Variants in PBRM1 observed in about 807,000 individuals in gnomAD.
PBRM1 encodes polybromo 1.
A neutral mutation model predicts 194.5 loss-of-function variants in PBRM1; 27 were observed. That is an observed-to-expected ratio of 0.14 (90% CI 0.10 to 0.19). PBRM1 has a LOEUF of 0.19. Among genes scored for constraint, PBRM1 ranks in the 10% least tolerant of loss-of-function variants. The probability of loss-of-function intolerance (pLI) is 1.00; values close to 1 mark genes in which losing one functional copy is unlikely to be tolerated. For synonymous variants in PBRM1, 655 were observed against 693.2 expected (o/e 0.94, Z 0.87); for missense variants, 1,466 against 2,077.2 (o/e 0.71, Z 5.72).
exon 1 of PBRM1, chr3:52,679,588 G>A (rs1219845160): frequency 1.2e-6 from 2 of 1,613,170 alleles, no homozygotes; most frequent in African/African-American, 1.3e-5. Context: ...TCTACAGTTG[G>A]AAGATTGGAA....
At chr3:52,635,721 T>C (rs1252350070) in intron 10 of PBRM1, among the ~76,000 whole-genome samples, 1 of 152,204 alleles carries the variant, frequency 6.6e-6, no homozygotes, top group African/African-American at 2.4e-5. Context: ...AACAGTTTCT[T>C]TCTGAAATGT....
chr3:52,563,982 C>A (rs2084358218), intron 23 of PBRM1, 68 bp downstream of exon 25: 1 of 951,846 alleles, frequency 1.1e-6, no homozygotes, highest in South Asian at 1.6e-5. Context: ...ATTAAAAACA[C>A]TGGACTACAC....
At position 52,548,226 on chromosome 3, in the gene PBRM1, C is replaced by T. The variant is rs879167521; in HGVS notation, c.4907G>A (p.Arg1636His). ...CTGTTCTTTCGACAAATGGACGTCG[C>T]GTCTTCGAGCTGAAAATTAAAGTAC... Residue 1636 changes from arginine to histidine, a missense_variant, in exon 30 of 30, where the codon CGC (arginine) becomes CAC (histidine). Arg to His is a conservative substitution (Grantham distance 29, BLOSUM62 0). Around this residue, in one of 5 missense-constraint regions of PBRM1, gnomAD observed 244 missense variants for 324.6 expected, o/e 0.75. Transcript: ENST00000296302. 3.8e-6 allele frequency: 6 copies of T among 1,568,880 alleles called. No individual in the cohort carries two copies. In the East Asian group the frequency reaches 7.0e-5, roughly 18 times the overall value.
intron 10 of PBRM1, among the ~76,000 whole-genome samples, chr3:52,636,882 T>TATG (rs2095844313): frequency 6.7e-6 from 1 of 150,198 alleles, no homozygotes; most frequent in African/African-American, 2.5e-5. Context: ...AGAATTTAAT[T>TATG]ATGTGTTAAG....
At chr3:52,644,716 C>T (rs995859396) in exon 8 of PBRM1, 2 of 1,551,090 alleles carry the variant, frequency 1.3e-6, no homozygotes, top group Admixed American at 1.7e-5. Flanking sequence ...CATTCGAAGA[C>T]TTGACTTAGC....
At chr3:52,578,565 T>C (rs565753510) in intron 21 of PBRM1, among the ~76,000 whole-genome samples, 4 of 152,328 alleles carry the variant, frequency 2.6e-5, no homozygotes, top group East Asian at 1.9e-4. Flanking sequence ...TGTCATCCTT[T>C]TGTCATTTAC....
intron 25 of PBRM1, among the ~76,000 whole-genome samples, chr3:52,559,214 C>A (rs3796353): frequency 6.6e-6 from 1 of 151,896 alleles, no homozygotes; most frequent in Non-Finnish European, 1.5e-5. Flanking sequence ...ATCCCTCTTA[C>A]TTCATTCAAA....
exon 27 of PBRM1, chr3:52,554,873 A>G: frequency 3.1e-6 from 5 of 1,607,636 alleles, no homozygotes; most frequent in Non-Finnish European, 4.2e-6. Flanking sequence ...ATAGCCACCC[A>G]TCATGCCTTG....
At chr3:52,677,941 T>C (rs1262212287) in intron 2 of PBRM1, among the ~76,000 whole-genome samples, 3 of 152,108 alleles carry the variant, frequency 2.0e-5, no homozygotes, top group Admixed American at 1.3e-4. Context: ...CACTCATGGC[T>C]TACTGCAGCC....
intron 16 of PBRM1, among the ~76,000 whole-genome samples, chr3:52,605,887 G>A (rs2094321454): frequency 6.6e-6 from 1 of 152,126 alleles, no homozygotes; most frequent in African/African-American, 2.4e-5. Context: ...ACAGGTGTGA[G>A]CCACTGTGTC....
chr3:52,548,508 C>A (rs1426830532), intron 29 of PBRM1, among the ~76,000 whole-genome samples: 1 of 151,764 alleles, frequency 6.6e-6, no homozygotes, highest in East Asian at 1.9e-4. Flanking sequence ...CTCACTGCAA[C>A]CTCTACCTCC....
chr3:52,612,419 G>A (rs1446908202), intron 15 of PBRM1, among the ~76,000 whole-genome samples: 5 of 151,824 alleles, frequency 3.3e-5, no homozygotes, highest in African/African-American at 9.7e-5. Context: ...TAATCTAATC[G>A]CACCTTCAAA....
chr3:52,662,026 T>C, intron 4 of PBRM1, 107 bp downstream of exon 5: 1 of 1,112,778 alleles, frequency 9.0e-7, no homozygotes, highest in Non-Finnish European at 1.3e-6. Flanking sequence ...ACCAATACAA[T>C]TGCACAGGAA....
chr3:52,616,133 T>G (rs1275444242), intron 14 of PBRM1, among the ~76,000 whole-genome samples: 1 of 152,158 alleles, frequency 6.6e-6, no homozygotes, highest in African/African-American at 2.4e-5. Flanking sequence ...TAAAGGTGGC[T>G]TTTTCCTCTA....
intron 19 of PBRM1, among the ~76,000 whole-genome samples, 197 bp from the exon 22 acceptor site, chr3:52,586,885 T>G (rs1344231790): frequency 6.6e-6 from 1 of 152,120 alleles, no homozygotes; most frequent in African/African-American, 2.4e-5. Flanking sequence ...AATGGACTTA[T>G]TATATACACA....
intron 27 of PBRM1, among the ~76,000 whole-genome samples, 197 bp from the exon 30 acceptor site, chr3:52,551,014 A>C (rs1267212518): frequency 6.6e-6 from 1 of 152,260 alleles, no homozygotes; most frequent in Non-Finnish European, 1.5e-5. Context: ...TTAAAGTATA[A>C]TACTAGAACA....
chr3:52,652,670 G>T (rs1408150373), intron 5 of PBRM1, among the ~76,000 whole-genome samples: 1 of 143,634 alleles, frequency 7.0e-6, no homozygotes, highest in Non-Finnish European at 1.5e-5. Context: ...AGCCTGGGCG[G>T]CACAGCAAGA....
chr3:52,679,748 G>A, upstream of PBRM1: 1 of 1,601,262 alleles, frequency 6.2e-7, no homozygotes. Context: ...AATCAGCCAT[G>A]TTCTTACATT....
chr3:52,580,444 C>T lies in PBRM1; in HGVS notation c.3388-1245G>A, dbSNP rs371281364. Among the ~76,000 whole-genome samples the T allele has an allele frequency of 2.7e-4, 41 of 152,180 alleles. 1 individual carries two copies. In the South Asian group the frequency reaches 7.5e-3, roughly 28 times the overall value. On this transcript the variant is annotated intron_variant, in intron 20 of 29. Coordinates refer to ENST00000296302, the Ensembl canonical transcript of PBRM1. ...CGCGATATTGGCTCACTGCAAGCTC[C>T]GCCTCCCGGGTTCACGCCATTCTCC... is the stretch of plus-strand genomic sequence containing the variant.
Sources: allele counts gnomAD v4.1 joint callset (sites outside exome capture counted in the v4.1 genomes callset), GRCh38; gene constraint gnomAD v4.1.1; regional missense constraint gnomAD v4.1.1; transcripts MANE v1.5; gene names NCBI Gene and HGNC (gene_info 2026-07-23, HGNC 2026-07-21).